The following LLGL2 variants were observed in gnomAD, a reference collection of about 807,000 sequenced individuals.
LLGL2 encodes the protein LLGL scribble cell polarity complex component 2, also known as LLGL2, scribble cell polarity complex component.
Under a neutral mutation model 123.2 loss-of-function variants are expected in LLGL2, and 81 were observed. The ratio of observed to expected loss-of-function variants is 0.66; its 90% CI spans 0.55 to 0.79. The LOEUF (loss-of-function observed/expected upper bound fraction) is 0.79, where lower values mean the gene tolerates loss of function less well. LLGL2 is among the 30% of genes least tolerant of loss of function. The pLI, the probability that LLGL2 is intolerant of heterozygous loss-of-function variation, is 0.00. For missense variants in LLGL2, 1,273 were observed against 1,414.6 expected (o/e 0.90, Z 1.61); for synonymous variants, 577 against 594.1 (o/e 0.97, Z 0.42).
rs188024421 is a variant in LLGL2 at position 75,574,252 on chromosome 17, G to C, written c.2945G>C (p.Ser982Thr). 3.8e-5 allele frequency: 55 copies of C among 1,440,520 alleles called. No homozygotes were observed. Among genetic ancestry groups the C allele is most frequent in the Non-Finnish European group, 5.0e-5 (54 of 1,077,978 alleles). The allele number at this position is 1,440,520 out of a possible 1,614,324, so 89.2% of individuals were successfully genotyped here. Residue 982 changes from serine to threonine, a missense_variant, in exon 23 of 26, where the codon AGT (serine) becomes ACT (threonine). Transcript: ENST00000392550. ...PGLVMERALL[S>T]DERVLKEIQS... is the part of the protein sequence containing the mutation. ...CTGGTGATGGAGCGCGCTCTGCTCA[G>C]TGATGAGAGTGAGTTGGGTGGGAGA...
At chr17:75,543,599 T>G in intron 2 of LLGL2, 98 bp downstream of exon 2, 21 of 858,420 alleles carry the variant, frequency 2.4e-5, no homozygotes, top group South Asian at 3.9e-5. Flanking sequence ...GGTATAGCTC[T>G]TATGTGACTG....
At chr17:75,551,261 T>A (rs889497822) in intron 2 of LLGL2, among the ~76,000 whole-genome samples, 2 of 152,146 alleles carry the variant, frequency 1.3e-5, no homozygotes, top group Non-Finnish European at 2.9e-5. Context: ...AGCAGAGGCC[T>A]GTGTGTGCTG....
chr17:75,564,664 TC>T lies in LLGL2; in HGVS notation c.1036+159del. On this transcript the variant is annotated intron_variant, in intron 10 of 25. Coordinates refer to ENST00000392550, the MANE Select transcript of LLGL2 (RefSeq NM_001031803.2). The surrounding 1 kb of genome is among the most constrained non-coding windows in gnomAD (Gnocchi z 4.9). ...GATCGCTTGAACCCAGGAGTTCAAG[TC>T]CAGCCTGGACAACGTAGGGAGACCC... 1 of 1,272,592 alleles carries T rather than the reference TC, an allele frequency of 7.9e-7. No homozygotes were observed. Among genetic ancestry groups the T allele is most frequent in the Non-Finnish European group, 1.1e-6 (1 of 938,764 alleles). 78.8% of individuals were successfully genotyped at this position (1,272,592 alleles called of 1,614,324 possible). A position where few individuals can be genotyped will look rare whatever the true frequency, so the allele number is the denominator to read the frequency against.
intron 1 of LLGL2, among the ~76,000 whole-genome samples, chr17:75,529,840 A>G (rs1001560678): frequency 6.6e-6 from 1 of 152,044 alleles, no homozygotes; most frequent in Admixed American, 6.5e-5. Context: ...CAGCCTGGTG[A>G]CAGAGCAAGA....
Position 75,568,533 on chromosome 17 carries a change from A to T in LLGL2, c.1094A>T (p.Asp365Val). ...VLAEEELVVIDLQTAGWPPVQ... is the reference protein window; with the variant it reads ...VLAEEELVVIVLQTAGWPPVQ... ...GCTGAGGAGGAGCTGGTGGTGATTG[A>T]CCTGCAGACAGCAGGCTGGCCACCG... Residue 365 changes from aspartate (D) to valine (V), a missense_variant, in exon 11 of 26, where the codon GAC becomes GTC. Coordinates refer to ENST00000392550, the MANE Select transcript of LLGL2 (RefSeq NM_001031803.2). 1 of 1,613,456 alleles carries T rather than the reference A, an allele frequency of 6.2e-7. No homozygotes were observed. Among genetic ancestry groups the T allele is most frequent in the Non-Finnish European group, 8.5e-7 (1 of 1,179,968 alleles).
chr17:75,538,360 C>A (rs2054084466), intron 1 of LLGL2, among the ~76,000 whole-genome samples: 1 of 152,094 alleles, frequency 6.6e-6, no homozygotes, highest in Non-Finnish European at 1.5e-5. Context: ...TGCATTGGGC[C>A]CCCCACTTGT....
In LLGL2 at chr17:75,571,950, C is replaced by T. The variant is rs116275079; in HGVS notation, c.2346C>T (p.Leu782=). The T allele has an allele frequency of 7.8e-3, 12,636 of 1,612,564 alleles. 358 individuals carry two copies. The African/African-American group carries it at 0.084, about 11-fold the overall frequency. The change falls in exon 19 of 26, where the codon CTC becomes CTT. Residue 782 remains leucine (L), a synonymous_variant. Transcript: ENST00000392550. ...HRAPVVGILV[L]DGHSVPLPEP... Reference sequence around the variant, plus strand: ...CGCCGGTGGTGGGCATCCTGGTGCTCGACGGACACAGCGTACCCCTTCCCG... The same window carrying T: ...CGCCGGTGGTGGGCATCCTGGTGCTTGACGGACACAGCGTACCCCTTCCCG...
chr17:75,549,630 AC>A lies in LLGL2; in HGVS notation c.75+6132del, dbSNP rs1186595601. 7.2e-5 allele frequency among the ~76,000 whole-genome samples: 11 copies of A among 152,180 alleles called. 1 individual carries two copies. The highest frequency in any genetic ancestry group is 7.2e-4 in the Admixed American group (11 of 15,284). ...ACTGCCAGGAATCTGAGCTGGCCACACCCAGCCAGTATCGGGCAGAGTGGCC... is the reference window on the plus strand; with the variant it reads ...ACTGCCAGGAATCTGAGCTGGCCACACCAGCCAGTATCGGGCAGAGTGGCC... On this transcript the variant is annotated intron_variant, in intron 2 of 25. Coordinates refer to ENST00000392550, the MANE Select transcript of LLGL2 (RefSeq NM_001031803.2). This position sits in a 1 kb window ranked among gnomAD's most constrained non-coding sequence, Gnocchi z 4.0.
chr17:75,558,529 G>A lies in LLGL2; in HGVS notation c.273G>A (p.Leu91=). 2 of 1,603,346 alleles carry A rather than the reference G, an allele frequency of 1.2e-6. No individual in the cohort carries two copies. Among genetic ancestry groups the A allele is most frequent in the Non-Finnish European group, 1.7e-6 (2 of 1,175,472 alleles). ...LLPGQCQLVT[L]LDDNSLHLWS... ...CTCGCCAGTGCCAGCTGGTCACCCTGCTGGATGACAACAGCCTGCACCTTT... is the reference window on the plus strand; with the variant it reads ...CTCGCCAGTGCCAGCTGGTCACCCTACTGGATGACAACAGCCTGCACCTTT... The change falls in exon 5 of 26, where the codon CTG becomes CTA. Residue 91 remains leucine (L), a synonymous_variant. Transcript: ENST00000392550. This position sits in a 1 kb window ranked among gnomAD's most constrained non-coding sequence, Gnocchi z 4.0.
chr17:75,558,669 C>A lies in LLGL2; in HGVS notation c.371+42C>A. ...CAGCCCCTTCCACTCCCAGCCCAGC[C>A]TGACCCTTGCCCTTAGCTCTGGAGT... On this transcript the variant is annotated intron_variant, in intron 5 of 25. Transcript: ENST00000392550. The surrounding 1 kb of genome is among the most constrained non-coding windows in gnomAD (Gnocchi z 4.0). 6.8e-7 allele frequency: 1 copy of A among 1,478,266 alleles called. No individual in the cohort carries two copies. The highest frequency in any genetic ancestry group is 9.3e-7 in the Non-Finnish European group (1 of 1,080,464). 91.6% of individuals were successfully genotyped at this position (1,478,266 alleles called of 1,614,324 possible).
Position 75,559,113 on chromosome 17 carries a change from A to G in LLGL2, c.372-139A>G. ...TCTCCTGTCTTGGCAGAAAGTGACC[A>G]ATGTTTGTCCTGGCTTGAAATGTTA... On this transcript the variant is annotated intron_variant, in intron 5 of 25. Coordinates refer to ENST00000392550, the MANE Select transcript of LLGL2 (RefSeq NM_001031803.2). This position sits in a 1 kb window ranked among gnomAD's most constrained non-coding sequence, Gnocchi z 4.6. 4 of 929,776 alleles carry G rather than the reference A, an allele frequency of 4.3e-6. No individual in the cohort carries two copies. Among genetic ancestry groups the G allele is most frequent in the South Asian group, 1.8e-5 (1 of 54,656 alleles). 57.6% of individuals were successfully genotyped at this position (929,776 alleles called of 1,614,324 possible).
intron 25 of LLGL2, 25 bp downstream of exon 25, chr17:75,574,693 G>A (rs1671016): frequency 0.24 from 391,170 of 1,603,318 alleles, 51,901 homozygotes; most frequent in African/African-American, 0.5. Flanking sequence ...CTTGAGTGCA[G>A]CTGCCAACCG....
At position 75,573,623 on chromosome 17, in the gene LLGL2, C is replaced by T; in HGVS notation, c.2868C>T (p.Ser956=). Residue 956 remains serine, a synonymous_variant, in exon 21 of 26, where the codon AGC becomes AGT. Transcript: ENST00000392550. ...GTGCGGGCCCCAAGAAGGCCCCGAG[C>T]CGAGCCAGGTGAGTGAAAGGGCCAG... ...GNGAGPKKAP[S]RARNSGTQSD... 6.2e-7 allele frequency: 1 copy of T among 1,608,438 alleles called. No homozygotes were observed. The highest frequency in any genetic ancestry group is 1.7e-4 in the Middle Eastern group (1 of 6,040).
intron 2 of LLGL2, among the ~76,000 whole-genome samples, chr17:75,555,738 G>A (rs1453126206): frequency 6.6e-6 from 1 of 152,128 alleles, no homozygotes; most frequent in Admixed American, 6.5e-5. Context: ...AGGAGGGCTG[G>A]GTCCGTCACC....
upstream of LLGL2, chr17:75,525,676 CGGCTCCGCCCCA>C (rs1346521966): frequency 6.6e-6 from 1 of 150,442 alleles, no homozygotes; most frequent in Non-Finnish European, 1.5e-5. The surrounding 1 kb of genome is among the most constrained non-coding windows in gnomAD (Gnocchi z 4.8). Flanking sequence ...GTAAATAGCG[CGGCTCCGCCCCA>C]GGCTCGCCGC....
chr17:75,566,799 G>A (rs112123203), intron 10 of LLGL2, among the ~76,000 whole-genome samples: 2,331 of 152,226 alleles, frequency 0.015, 58 homozygotes, highest in African/African-American at 0.05. Flanking sequence ...GCTGGGCGGG[G>A]ATCAAGTCTG....
chr17:75,538,366 C>G (rs753379669), intron 1 of LLGL2, among the ~76,000 whole-genome samples: 2 of 152,188 alleles, frequency 1.3e-5, no homozygotes, highest in Non-Finnish European at 2.9e-5. Flanking sequence ...GGGCCCCCCA[C>G]TTGTCTTCAT....
chr17:75,560,364 C>T (rs897572730), intron 6 of LLGL2, among the ~76,000 whole-genome samples: 3 of 152,236 alleles, frequency 2.0e-5, no homozygotes, highest in African/African-American at 7.2e-5. Context: ...ACCTGCGCCC[C>T]AGCAGGTGGC....
Position 75,543,488 on chromosome 17 carries a change from T to TA in LLGL2, c.62_63insA (p.Phe21LeufsTer4). ...CGGGAGAGGCTCAAGCGGGACCTGTTCCAGTTTAACAAGGTAAGTTAGGGA... is the reference window on the plus strand; with the variant it reads ...CGGGAGAGGCTCAAGCGGGACCTGTTACCAGTTTAACAAGGTAAGTTAGGGA... On this transcript the variant is annotated frameshift_variant, in exon 2 of 26. Coordinates refer to ENST00000392550, the MANE Select transcript of LLGL2 (RefSeq NM_001031803.2). LOFTEE classifies it high-confidence loss of function. 1.2e-6 allele frequency: 2 copies of TA among 1,611,346 alleles called. No individual in the cohort carries two copies. Among genetic ancestry groups the TA allele is most frequent in the Non-Finnish European group, 1.7e-6 (2 of 1,178,482 alleles).
Sources: allele counts gnomAD v4.1 joint callset (sites outside exome capture counted in the v4.1 genomes callset), GRCh38; gene constraint gnomAD v4.1.1; non-coding constraint Gnocchi (gnomAD v3.1); transcripts MANE v1.5; gene names NCBI Gene and HGNC (gene_info 2026-07-23, HGNC 2026-07-21).